The following DAB1 variants were observed in gnomAD, a reference collection of about 807,000 sequenced individuals.
DAB1 encodes the protein DAB adaptor protein 1.
DAB1 carries 15 observed loss-of-function variants against 64.6 expected under a neutral mutation model. The ratio of observed to expected loss-of-function variants is 0.23; its 90% CI spans 0.16 to 0.36. DAB1 has a LOEUF of 0.36. Ranked by LOEUF, DAB1 falls within the 10% of genes least tolerant of loss-of-function variation. The probability of loss-of-function intolerance (pLI) is 1.00; values close to 1 mark genes in which losing one functional copy is unlikely to be tolerated. For synonymous variants in DAB1, 235 were observed against 251.9 expected, an observed-to-expected ratio of 0.93 and a Z score of 0.64; for missense variants, 596 against 706.7, an observed-to-expected ratio of 0.84 and a Z score of 1.78.
In DAB1 at chr1:57,110,038, C is replaced by T. The variant is rs150549701; in HGVS notation, c.306+26505G>A. Reference sequence around the variant, plus strand: ...GGGCTTTGTGACACAGGAGACATAACGAGATCAACCTTGAGAGTAGTTTGC... The same window carrying T: ...GGGCTTTGTGACACAGGAGACATAATGAGATCAACCTTGAGAGTAGTTTGC... On this transcript the variant is annotated intron_variant, in intron 4 of 14. Coordinates refer to ENST00000371236, the MANE Select transcript of DAB1 (RefSeq NM_001365792.1). Among the ~76,000 whole-genome samples the T allele has an allele frequency of 4.7e-3, 711 of 152,212 alleles. 4 individuals are homozygous for T. Among genetic ancestry groups the T allele is most frequent in the Non-Finnish European group, 8.2e-3 (558 of 68,020 alleles).
At chr1:57,374,867 G>A (rs543512454) in intron 1 of DAB1, among the ~76,000 whole-genome samples, 2 of 152,176 alleles carry the variant, frequency 1.3e-5, no homozygotes, top group Non-Finnish European at 2.9e-5. Context: ...GTCCGGGAGT[G>A]TAGCTAAAGC....
intron 6 of DAB1, among the ~76,000 whole-genome samples, chr1:57,699,551 C>A (rs1347875201): frequency 6.6e-6 from 1 of 152,066 alleles, no homozygotes; most frequent in African/African-American, 2.4e-5. Context: ...GATGAGGAAG[C>A]AAGACAAAAT....
At chr1:57,846,223 G>T (rs1372655316) in intron 1 of DAB1, among the ~76,000 whole-genome samples, 1 of 152,036 alleles carries the variant, frequency 6.6e-6, no homozygotes, top group Non-Finnish European at 1.5e-5. Flanking sequence ...ACTTTGGGAG[G>T]CCGAGGTGGG....
At chr1:57,440,957 G>T (rs1685919016) in intron 7 of DAB1, among the ~76,000 whole-genome samples, 1 of 152,160 alleles carries the variant, frequency 6.6e-6, no homozygotes. Flanking sequence ...TTGGGGTAGA[G>T]ATCCTGTCAT....
At position 57,164,450 on chromosome 1, in the gene DAB1, C is replaced by A. The variant is rs114910204; in HGVS notation, c.68-19021G>T. Among the ~76,000 whole-genome samples the A allele has an allele frequency of 1.6e-3, 245 of 152,254 alleles. 1 individual carries two copies. Among genetic ancestry groups the A allele is most frequent in the African/African-American group, 5.5e-3 (230 of 41,544 alleles). Reference sequence around the variant, plus strand: ...TTGAACCACCAGCTGACCCTCCCATCCAGCAATAGAACCACAGTGACCATG... The same window carrying A: ...TTGAACCACCAGCTGACCCTCCCATACAGCAATAGAACCACAGTGACCATG... On this transcript the variant is annotated intron_variant, in intron 2 of 14. Coordinates refer to ENST00000371236, the MANE Select transcript of DAB1 (RefSeq NM_001365792.1).
chr1:58,126,219 A>G (rs1038661116), intron 5 of DAB1, among the ~76,000 whole-genome samples: 3 of 152,186 alleles, frequency 2.0e-5, no homozygotes, highest in Non-Finnish European at 2.9e-5. Flanking sequence ...CATTTGCTTA[A>G]CCAGAGCCAA....
At chr1:57,141,439 G>T (rs1658581063) in intron 3 of DAB1, among the ~76,000 whole-genome samples, 1 of 152,038 alleles carries the variant, frequency 6.6e-6, no homozygotes, top group South Asian at 2.1e-4. Context: ...GGTGAGAAAG[G>T]GAGACTTTCT....
intron 2 of DAB1, among the ~76,000 whole-genome samples, chr1:57,153,975 T>C (rs1225139436): frequency 6.6e-6 from 1 of 152,178 alleles, no homozygotes; most frequent in Non-Finnish European, 1.5e-5. Flanking sequence ...CATGTTTTGA[T>C]ACAAACATGC....
At chr1:58,313,818 CATGT>C (rs764864759) in intron 4 of DAB1, among the ~76,000 whole-genome samples, 13 of 85,936 alleles carry the variant, frequency 1.5e-4, no homozygotes, top group Non-Finnish European at 2.3e-4. Context: ...ATTGTATCTT[CATGT>C]GTGTGTGTGT....
intron 1 of DAB1, among the ~76,000 whole-genome samples, chr1:57,364,626 C>CA (rs538877045): frequency 1.3e-5 from 2 of 151,354 alleles, no homozygotes; most frequent in African/African-American, 4.8e-5. Context: ...TTCATAATAG[C>CA]AAAAAAACTG....
rs530634122 is a variant in DAB1 at position 58,533,187 on chromosome 1, A to T, written n.33-5852T>A. Reference sequence around the variant, plus strand: ...TGGACTTATATCAAGATGAACAGACATGTATTCACAGGAGCATACATCAAC... The same window carrying T: ...TGGACTTATATCAAGATGAACAGACTTGTATTCACAGGAGCATACATCAAC... On this transcript the variant is annotated intron_variant and non_coding_transcript_variant, in intron 1 of 20. Transcript: ENST00000485760. Among the ~76,000 whole-genome samples the T allele has an allele frequency of 3.3e-4, 50 of 152,358 alleles. No individual in the cohort carries two copies. The South Asian group carries it at 0.01, about 32-fold the overall frequency.
At chr1:57,472,939 C>T (rs1045891896) in intron 7 of DAB1, among the ~76,000 whole-genome samples, 7 of 152,170 alleles carry the variant, frequency 4.6e-5, no homozygotes, top group African/African-American at 1.7e-4. Context: ...GGCTTTCTGA[C>T]TTTGGATTTT....
At chr1:57,665,279 T>G (rs56945151) in intron 6 of DAB1, among the ~76,000 whole-genome samples, 2,744 of 152,140 alleles carry the variant, frequency 0.018, 81 homozygotes, top group African/African-American at 0.063. Context: ...ACATGAAAAT[T>G]AACAAAATTT....
chr1:57,124,843 G>A lies in DAB1; in HGVS notation c.306+11700C>T, dbSNP rs373058503. On this transcript the variant is annotated intron_variant, in intron 4 of 14. Transcript: ENST00000371236. ...GGCTGCATACTGCATCTGATTTTGTGCTCATCAGACAGACTGTCAGGCTTG... is the reference window on the plus strand; with the variant it reads ...GGCTGCATACTGCATCTGATTTTGTACTCATCAGACAGACTGTCAGGCTTG... Among the ~76,000 whole-genome samples the A allele has an allele frequency of 5.5e-4, 83 of 152,220 alleles. 2 individuals are homozygous for A. The East Asian group carries it at 0.011, about 21-fold the overall frequency.
intron 3 of DAB1, among the ~76,000 whole-genome samples, chr1:58,373,699 T>C (rs1318385242): frequency 6.6e-6 from 1 of 152,098 alleles, no homozygotes; most frequent in East Asian, 1.9e-4. Context: ...TACCCAGTAA[T>C]GGGATGGCTG....
chr1:58,488,126 T>A (rs560316553), intron 3 of DAB1, among the ~76,000 whole-genome samples: 5 of 152,308 alleles, frequency 3.3e-5, no homozygotes, highest in Admixed American at 2.6e-4. Context: ...AATACAGATT[T>A]AGTAAAAACT....
chr1:57,056,731 G>A (rs899895746), intron 9 of DAB1, among the ~76,000 whole-genome samples: 1 of 151,884 alleles, frequency 6.6e-6, no homozygotes, highest in African/African-American at 2.4e-5. Context: ...AGGCGTAGTG[G>A]TGCACGCCTG....
chr1:57,838,913 A>G (rs1652929455), intron 1 of DAB1, among the ~76,000 whole-genome samples: 1 of 151,910 alleles, frequency 6.6e-6, no homozygotes, highest in Admixed American at 6.6e-5. Context: ...AGTAGCTGGG[A>G]CTATAGGAGC....
chr1:58,345,237 GAAC>G (rs1484245887), intron 3 of DAB1, among the ~76,000 whole-genome samples: 1 of 152,032 alleles, frequency 6.6e-6, no homozygotes, highest in African/African-American at 2.4e-5. Context: ...CCACTTCTTG[GAAC>G]AACCCATTTC....
Sources: gnomAD v4.1 joint callset for allele counts (sites outside exome capture counted in the v4.1 genomes callset) on GRCh38, gnomAD v4.1.1 for gene constraint, MANE v1.5 for transcripts, NCBI Gene and HGNC (gene_info 2026-07-23, HGNC 2026-07-21) for gene names.